SORCS3: variants seen among roughly 807,000 people sequenced by gnomAD.
The protein encoded by SORCS3 is VPS10 domain-containing receptor SorCS3.
A neutral mutation model predicts 146.3 loss-of-function variants in SORCS3; 57 were observed. The ratio of observed to expected loss-of-function variants is 0.39; its 90% CI spans 0.31 to 0.49. The LOEUF (loss-of-function observed/expected upper bound fraction) is 0.49. Among genes scored for constraint, SORCS3 ranks in the 20% least tolerant of loss-of-function variants. The pLI, the probability that SORCS3 is intolerant of heterozygous loss-of-function variation, is 0.92. For missense variants in SORCS3, 1,341 were observed against 1,575.5 expected (o/e 0.85, Z 2.52); for synonymous variants, 653 against 618.5 (o/e 1.06, Z -0.83).
chr10:105,066,554 T>C lies in SORCS3; in HGVS notation c.1029-23221T>C, dbSNP rs191845632. On this transcript the variant is annotated intron_variant, in intron 5 of 26. Transcript: ENST00000369701. ...TTTGGATTGTTACATCTAGAGACCT[T>C]ACTGTATTTGACACTATTGCCTGCC... Among the ~76,000 whole-genome samples the C allele has an allele frequency of 6.8e-4, 103 of 152,276 alleles. 2 individuals carry two copies. In the East Asian group the frequency reaches 0.016, roughly 23 times the overall value.
intron 1 of SORCS3, among the ~76,000 whole-genome samples, chr10:104,738,367 T>G (rs940690990): frequency 1.3e-5 from 2 of 152,242 alleles, no homozygotes; most frequent in African/African-American, 4.8e-5. Flanking sequence ...CATGACATTT[T>G]ATATCGATCC....
Position 105,211,149 on chromosome 10 carries a change from T to C in SORCS3, c.2274T>C (p.Tyr758=), listed in dbSNP as rs373140912. The C allele has an allele frequency of 1.1e-5, 17 of 1,613,508 alleles. No homozygotes were observed. The highest frequency in any genetic ancestry group is 4.0e-5 in the African/African-American group (3 of 75,028). The change falls in exon 17 of 27, where the codon TAT becomes TAC. Residue 758 remains tyrosine (Y), a synonymous_variant. Coordinates refer to ENST00000369701, the MANE Select transcript of SORCS3 (RefSeq NM_014978.3). ...ATTTTCCTGACAGTGACTATGGGTA[T>C]GAGAGACATGGGGAGAGCCAGTGTG... ...ANWDFECDYG[Y]ERHGESQCVP... is the part of the protein sequence containing the mutation.
chr10:105,095,814 A>G (rs1185908556), intron 6 of SORCS3, among the ~76,000 whole-genome samples: 1 of 151,966 alleles, frequency 6.6e-6, no homozygotes, highest in Non-Finnish European at 1.5e-5. Flanking sequence ...AAACAAGTAA[A>G]CCTCTCTAGG....
intron 3 of SORCS3, among the ~76,000 whole-genome samples, chr10:104,948,388 G>A (rs905959100): frequency 2.0e-5 from 3 of 152,136 alleles, no homozygotes; most frequent in African/African-American, 7.2e-5. Context: ...CAACATAAAG[G>A]GGCTTAGAAG....
At chr10:104,968,362 C>T (rs551569091) in intron 3 of SORCS3, among the ~76,000 whole-genome samples, 279 of 152,264 alleles carry the variant, frequency 1.8e-3, no homozygotes, top group Admixed American at 3.5e-3. Flanking sequence ...GTGATCTACC[C>T]GCCTGGGCCT....
chr10:104,824,712 C>T (rs566258544), intron 1 of SORCS3, among the ~76,000 whole-genome samples: 1 of 152,338 alleles, frequency 6.6e-6, no homozygotes, highest in African/African-American at 2.4e-5. Context: ...TGCCTTTGCC[C>T]TCATCCGAAG....
chr10:104,812,840 G>A (rs1372977445), intron 1 of SORCS3, among the ~76,000 whole-genome samples: 1 of 152,222 alleles, frequency 6.6e-6, no homozygotes, highest in Non-Finnish European at 1.5e-5. Context: ...TTTGGAGGAA[G>A]TATGCACCAG....
At chr10:105,001,420 G>A (rs4917436) in intron 4 of SORCS3, among the ~76,000 whole-genome samples, 16,185 of 152,272 alleles carry the variant, frequency 0.11, 1,107 homozygotes, top group Non-Finnish European at 0.15. Context: ...AACAGATTGT[G>A]TCTAAGTGGT....
chr10:104,717,865 G>C (rs12255936), intron 1 of SORCS3, among the ~76,000 whole-genome samples: 7,414 of 152,310 alleles, frequency 0.049, 174 homozygotes, highest in Admixed American at 0.056. Context: ...TTTGGGCCAG[G>C]CATGGTGGCT....
At chr10:105,068,347 C>T (rs1452664188) in intron 5 of SORCS3, among the ~76,000 whole-genome samples, 36 of 152,270 alleles carry the variant, frequency 2.4e-4, no homozygotes, top group South Asian at 2.1e-4. Context: ...AGGGTCCAGC[C>T]GCTCACACCC....
Position 105,228,487 on chromosome 10 carries a change from T to C in SORCS3, c.2868+5238T>C, listed in dbSNP as rs1335452329. ...CCCTCTTGCTTTCTTGATTTCTTTC[T>C]TTATTTCTCTTTCACAGGATTTTCT... is the stretch of plus-strand genomic sequence containing the variant. On this transcript the variant is annotated intron_variant, in intron 20 of 26. Coordinates refer to ENST00000369701, the MANE Select transcript of SORCS3 (RefSeq NM_014978.3). Among the ~76,000 whole-genome samples, 3 of 152,076 alleles carry C rather than the reference T, an allele frequency of 2.0e-5. No individual in the cohort carries two copies. In the East Asian group the frequency reaches 5.8e-4, roughly 29 times the overall value.
intron 1 of SORCS3, among the ~76,000 whole-genome samples, chr10:104,734,080 C>G (rs2016740199): frequency 6.6e-6 from 1 of 152,014 alleles, no homozygotes. Flanking sequence ...ATTTGTGTCT[C>G]TGTGTGTGTG....
At chr10:105,242,865 ATT>A (rs1248694984) in intron 20 of SORCS3, among the ~76,000 whole-genome samples, 4 of 76,230 alleles carry the variant, frequency 5.2e-5, no homozygotes, top group Non-Finnish European at 7.3e-5. Context: ...TTATATATAT[ATT>A]TTTATATATA....
intron 14 of SORCS3, among the ~76,000 whole-genome samples, chr10:105,180,021 C>G (rs1275245152): frequency 6.6e-6 from 1 of 152,176 alleles, no homozygotes. Flanking sequence ...GTTGCTTTCT[C>G]TTATCCATTG....
chr10:104,866,888 A>G lies in SORCS3; in HGVS notation c.695+24029A>G, dbSNP rs2018465034. ...GTTCTGTATACTTTTTAATAAGAAC[A>G]GGAAGAATTAGACTTTAGGAAGATT... On this transcript the variant is annotated intron_variant, in intron 2 of 26. Transcript: ENST00000369701. Among the ~76,000 whole-genome samples, 5 of 152,210 alleles carry G rather than the reference A, an allele frequency of 3.3e-5. No individual in the cohort carries two copies. The South Asian group carries it at 8.3e-4, about 25-fold the overall frequency.
chr10:104,674,007 G>A (rs116026368), intron 1 of SORCS3, among the ~76,000 whole-genome samples: 2,696 of 152,154 alleles, frequency 0.018, 26 homozygotes, highest in Middle Eastern at 0.075. Flanking sequence ...TACATTTTCG[G>A]TGTCCATTTC....
At chr10:105,207,419 T>C (rs947482361) in intron 16 of SORCS3, among the ~76,000 whole-genome samples, 3 of 152,124 alleles carry the variant, frequency 2.0e-5, no homozygotes, top group Non-Finnish European at 2.9e-5. Flanking sequence ...AAAGCTGTTA[T>C]AGTTGAGAAA....
chr10:105,095,791 G>A (rs1030358086), intron 6 of SORCS3, among the ~76,000 whole-genome samples: 1 of 152,034 alleles, frequency 6.6e-6, no homozygotes, highest in Non-Finnish European at 1.5e-5. Context: ...CTGAGAGGCT[G>A]TGTGATCCAG....
At chr10:105,051,209 G>A (rs887711222) in intron 5 of SORCS3, among the ~76,000 whole-genome samples, 1 of 152,126 alleles carries the variant, frequency 6.6e-6, no homozygotes, top group African/African-American at 2.4e-5. Context: ...TTAGAGAAGT[G>A]TTAATTTCAT....
Sources: allele counts gnomAD v4.1 joint callset (sites outside exome capture counted in the v4.1 genomes callset), GRCh38; gene constraint gnomAD v4.1.1; transcripts MANE v1.5; gene names NCBI Gene and HGNC (gene_info 2026-07-23, HGNC 2026-07-21).